The following SLC24A4 variants were observed in gnomAD, a reference collection of about 807,000 sequenced individuals.
SLC24A4 encodes solute carrier family 24 member 4, also known as sodium/potassium/calcium exchanger 4.
In SLC24A4, 53 loss-of-function variants were observed where a neutral mutation model predicts 79.0. The observed-to-expected ratio is 0.67, with a 90% confidence interval of 0.54 to 0.84. The LOEUF (loss-of-function observed/expected upper bound fraction) is 0.84. Ranked by LOEUF, SLC24A4 falls within the 40% of genes least tolerant of loss-of-function variation. The pLI is 0.00. For missense variants in SLC24A4, 731 were observed against 822.0 expected (o/e 0.89, Z 1.35); for synonymous variants, 323 against 323.8 (o/e 1.00, Z 0.03).
chr14:92,386,233 T>C (rs756116175), intron 2 of SLC24A4, among the ~76,000 whole-genome samples: 2 of 152,092 alleles, frequency 1.3e-5, no homozygotes, highest in Non-Finnish European at 2.9e-5. Flanking sequence ...GCATAGAATA[T>C]TGTGACAAGC....
chr14:92,483,632 C>CGGCTG, intron 13 of SLC24A4: 3 of 804,872 alleles, frequency 3.7e-6, no homozygotes, highest in South Asian at 1.4e-5. Context: ...AACCTTTCAT[C>CGGCTG]GGCTGGGCTG....
chr14:92,432,219 C>T (rs1891914135), intron 2 of SLC24A4, among the ~76,000 whole-genome samples: 1 of 152,200 alleles, frequency 6.6e-6, no homozygotes, highest in Non-Finnish European at 1.5e-5. Flanking sequence ...AGGTGTGAGG[C>T]TGAGTAGAAG....
chr14:92,481,667 C>T (rs1459295109), intron 12 of SLC24A4, among the ~76,000 whole-genome samples: 1 of 152,182 alleles, frequency 6.6e-6, no homozygotes, highest in East Asian at 1.9e-4. Context: ...GTTAAAACTC[C>T]ACAGAGTTCA....
At position 92,493,737 on chromosome 14, in the gene SLC24A4, C is replaced by T. The variant is rs1010908960; in HGVS notation, c.*109C>T. The T allele has an allele frequency of 2.1e-5, 27 of 1,264,376 alleles. No homozygotes were observed. The highest frequency in any genetic ancestry group is 2.6e-4 in the Middle Eastern group (1 of 3,908). 78.3% of individuals were successfully genotyped at this position (1,264,376 alleles called of 1,614,324 possible). On this transcript the variant is annotated 3_prime_UTR_variant, in exon 17 of 17. Transcript: ENST00000532405. ...CTCTCCTGCATAGGCAGCCACTGTC[C>T]GTTCTTTCACACACTGGAAGGAAGA...
chr14:92,486,614 T>G lies in SLC24A4; in HGVS notation c.1423-52T>G, dbSNP rs61977319. Reference sequence around the variant, plus strand: ...GTCTCTAATACTAGGAATATTTCTTTAGTCCACACACTGTTGGTTGAGAGT... The same window carrying G: ...GTCTCTAATACTAGGAATATTTCTTGAGTCCACACACTGTTGGTTGAGAGT... On this transcript the variant is annotated intron_variant, in intron 13 of 16. Coordinates refer to ENST00000532405, the MANE Select transcript of SLC24A4 (RefSeq NM_153646.4). 41,630 of 1,133,216 alleles carry G rather than the reference T, an allele frequency of 0.037. 900 individuals carry two copies. The highest frequency in any genetic ancestry group is 0.042 in the Non-Finnish European group (31,487 of 746,490). 70.2% of individuals were successfully genotyped at this position (1,133,216 alleles called of 1,614,324 possible). A position where few individuals can be genotyped will look rare whatever the true frequency, so the allele number is the denominator to read the frequency against.
chr14:92,390,980 C>T (rs1889427563), intron 2 of SLC24A4, among the ~76,000 whole-genome samples: 1 of 152,222 alleles, frequency 6.6e-6, no homozygotes. Flanking sequence ...CTTGTCTCCT[C>T]TCAGGCCCAG....
At chr14:92,454,820 C>T (rs1893364427) in intron 11 of SLC24A4, among the ~76,000 whole-genome samples, 1 of 152,188 alleles carries the variant, frequency 6.6e-6, no homozygotes, top group South Asian at 2.1e-4. Flanking sequence ...GAAAAGGAAA[C>T]ACCTTTCCAA....
intron 2 of SLC24A4, among the ~76,000 whole-genome samples, chr14:92,380,129 G>A (rs139332112): frequency 1.3e-5 from 2 of 152,310 alleles, no homozygotes; most frequent in African/African-American, 4.8e-5. Flanking sequence ...AGGACATGGC[G>A]CTCGAAGCAA....
chr14:92,340,569 G>T (rs1462899522), intron 2 of SLC24A4, among the ~76,000 whole-genome samples: 2 of 32,212 alleles, frequency 6.2e-5, no homozygotes, highest in African/African-American at 2.2e-4. Context: ...TTCCGAGGCT[G>T]CATCATGCCA....
intron 2 of SLC24A4, among the ~76,000 whole-genome samples, chr14:92,388,330 C>T (rs1030783693): frequency 3.3e-4 from 51 of 152,300 alleles, no homozygotes; most frequent in Admixed American, 2.6e-3. Flanking sequence ...CACCTCGAGA[C>T]GGATTCCCAG....
At chr14:92,361,271 T>C (rs991157635) in intron 2 of SLC24A4, among the ~76,000 whole-genome samples, 1 of 134,590 alleles carries the variant, frequency 7.4e-6, no homozygotes, top group African/African-American at 2.6e-5. Context: ...TTCCCTGTCC[T>C]AGCTAACAAC....
In SLC24A4 at chr14:92,342,116, A is replaced by G. The variant is rs142715330; in HGVS notation, c.241+16138A>G. On this transcript the variant is annotated intron_variant, in intron 2 of 16. Coordinates refer to ENST00000532405, the MANE Select transcript of SLC24A4 (RefSeq NM_153646.4). ...CCTCTTCCACAGTCCCCGAGCCCCA[A>G]GCTCATCACCAATACCGAGAATCAC... 7.4e-3 allele frequency among the ~76,000 whole-genome samples: 1,132 copies of G among 152,164 alleles called. 9 individuals carry two copies. The highest frequency in any genetic ancestry group is 0.027 in the Middle Eastern group (8 of 294).
intron 1 of SLC24A4, 84 bp downstream of exon 1, chr14:92,324,044 C>T (rs891392634): frequency 2.0e-6 from 3 of 1,519,020 alleles, no homozygotes; most frequent in African/African-American, 2.8e-5. Flanking sequence ...GATGTTTTCC[C>T]CTCCTTCCTC....
chr14:92,388,205 C>A (rs1889271255), intron 2 of SLC24A4, among the ~76,000 whole-genome samples: 1 of 152,208 alleles, frequency 6.6e-6, no homozygotes. Context: ...TTGGCATCTG[C>A]CTTGTACTGT....
At chr14:92,449,047 T>C (rs1166044739) in intron 9 of SLC24A4, 27 bp from the exon 10 acceptor site, 1 of 1,613,014 alleles carries the variant, frequency 6.2e-7, no homozygotes, top group African/African-American at 1.3e-5. Flanking sequence ...TCCATTGCCC[T>C]GACCTCCTGC....
intron 2 of SLC24A4, among the ~76,000 whole-genome samples, chr14:92,358,913 T>G (rs980483383): frequency 6.6e-6 from 1 of 151,912 alleles, no homozygotes; most frequent in African/African-American, 2.4e-5. Flanking sequence ...CTTGAACTCC[T>G]GACCTCAAGT....
At chr14:92,325,760 A>G in intron 1 of SLC24A4, 108 bp from the exon 2 acceptor site, 1 of 654,528 alleles carries the variant, frequency 1.5e-6, no homozygotes. Context: ...ATGGCTCTGA[A>G]TAGGCAAACA....
chr14:92,456,734 AT>A, intron 12 of SLC24A4, 126 bp downstream of exon 12: 1 of 951,328 alleles, frequency 1.1e-6, no homozygotes, highest in Non-Finnish European at 1.6e-6. Flanking sequence ...AAGGGTCGAT[AT>A]TAGGTCACTG....
At chr14:92,486,612 T>C (rs1048783174) in intron 13 of SLC24A4, 54 bp from the exon 14 acceptor site, 1 of 1,124,536 alleles carries the variant, frequency 8.9e-7, no homozygotes, top group Non-Finnish European at 1.4e-6. Context: ...GGAATATTTC[T>C]TTAGTCCACA....
Sources: gnomAD v4.1 joint callset for allele counts (sites outside exome capture counted in the v4.1 genomes callset) on GRCh38, gnomAD v4.1.1 for gene constraint, MANE v1.5 for transcripts, NCBI Gene and HGNC (gene_info 2026-07-23, HGNC 2026-07-21) for gene names.